Variants in CDR2 observed in about 807,000 individuals in gnomAD.
The protein encoded by CDR2 is cerebellar degeneration related protein 2.
A neutral mutation model predicts 48.4 loss-of-function variants in CDR2; 34 were observed. That is an observed-to-expected ratio of 0.70 (90% CI 0.53 to 0.94). CDR2 has a LOEUF of 0.94. Among genes scored for constraint, CDR2 ranks in the 40% least tolerant of loss-of-function variants. CDR2 has a pLI of 0.00. For missense variants in CDR2, 498 were observed against 549.5 expected (o/e 0.91, Z 0.94); for synonymous variants, 240 against 219.7 (o/e 1.09, Z -0.82).
At chr16:22,365,055 C>A (rs1343309307) in intron 1 of CDR2, 41 bp from the exon 2 acceptor site, 36 of 1,262,460 alleles carry the variant, frequency 2.9e-5, no homozygotes, top group Non-Finnish European at 3.9e-5. Context: ...CAAATGATCT[C>A]ACATCAACAA....
At chr16:22,348,366 G>A (rs1409808840) in intron 4 of CDR2, among the ~76,000 whole-genome samples, 1 of 152,152 alleles carries the variant, frequency 6.6e-6, no homozygotes, top group Non-Finnish European at 1.5e-5. Flanking sequence ...AAGTACTAGA[G>A]AACATCTATT....
rs560752006 is a variant in CDR2 at position 22,349,501 on chromosome 16, G to A, written c.342-58C>T. 676 of 1,591,812 alleles carry A rather than the reference G, an allele frequency of 4.2e-4. 6 individuals carry two copies. The South Asian group carries it at 6.8e-3, about 16-fold the overall frequency. On this transcript the variant is annotated intron_variant, in intron 3 of 4. Coordinates refer to ENST00000268383, the MANE Select transcript of CDR2 (RefSeq NM_001802.2). ...GTCATATTGAATCAAGGGCAAAAGC[G>A]GTGAGGAGAGATTAGGTGCAAACCA...
chr16:22,360,583 A>G (rs2049004191), intron 2 of CDR2, among the ~76,000 whole-genome samples: 1 of 151,750 alleles, frequency 6.6e-6, no homozygotes, highest in Non-Finnish European at 1.5e-5. Flanking sequence ...TTGTCCTAGT[A>G]TTTTCACCAG....
chr16:22,352,633 C>T (rs2048949993), intron 2 of CDR2, among the ~76,000 whole-genome samples: 1 of 151,978 alleles, frequency 6.6e-6, no homozygotes, highest in Non-Finnish European at 1.5e-5. Context: ...AACAGCCTCA[C>T]ATCAGTTCAG....
intron 1 of CDR2, among the ~76,000 whole-genome samples, chr16:22,371,483 T>C (rs1162439877): frequency 1.3e-5 from 2 of 152,208 alleles, no homozygotes; most frequent in South Asian, 2.1e-4. Flanking sequence ...ATTCACTCTA[T>C]GGGAGTAGGA....
intron 2 of CDR2, 127 bp from the exon 3 acceptor site, chr16:22,349,976 GT>G: frequency 1.3e-6 from 1 of 799,620 alleles, no homozygotes; most frequent in Non-Finnish European, 2.0e-6. Flanking sequence ...ATCACCTGAG[GT>G]TAGGAATTCG....
chr16:22,347,254 T>G lies in CDR2; in HGVS notation c.1076A>C (p.Lys359Thr). The change falls in exon 5 of 5, where the codon AAG becomes ACG. Residue 359 changes from lysine to threonine, a missense_variant. By Grantham distance (78) the Lys-to-Thr change is moderately conservative (BLOSUM62 -1). Coordinates refer to ENST00000268383, the MANE Select transcript of CDR2 (RefSeq NM_001802.2). ...VDTQYSALKV[K>T]YEELLKKCQE... The stretch of plus-strand genomic sequence containing the variant: ...GCACTTCTTCAGCAACTCTTCATAC[T>G]TCACCTTCAGGGCGCTGTACTGCGT... 6.2e-7 allele frequency: 1 copy of G among 1,614,234 alleles called. No homozygotes were observed. The highest frequency in any genetic ancestry group is 8.5e-7 in the Non-Finnish European group (1 of 1,180,044).
chr16:22,358,454 A>C (rs1182170674), intron 2 of CDR2, among the ~76,000 whole-genome samples: 2 of 152,214 alleles, frequency 1.3e-5, no homozygotes, highest in African/African-American at 2.4e-5. Flanking sequence ...AAAGCTACAA[A>C]CAGGCCACCT....
At chr16:22,364,845 G>T in intron 2 of CDR2, 57 bp downstream of exon 2, 1 of 980,280 alleles carries the variant, frequency 1.0e-6, no homozygotes, top group Non-Finnish European at 1.6e-6. Flanking sequence ...TATGTGATTG[G>T]CATAACAGCA....
At chr16:22,358,980 GA>G (rs1391236672) in intron 2 of CDR2, among the ~76,000 whole-genome samples, 1 of 152,098 alleles carries the variant, frequency 6.6e-6, no homozygotes, top group Non-Finnish European at 1.5e-5. Flanking sequence ...CCAACACAAA[GA>G]AATGATAAAT....
At chr16:22,373,097 A>G (rs903854261) in intron 1 of CDR2, among the ~76,000 whole-genome samples, 21 of 152,170 alleles carry the variant, frequency 1.4e-4, no homozygotes, top group African/African-American at 5.1e-4. Context: ...CCCCAACATT[A>G]CTACCTCTAT....
intron 2 of CDR2, among the ~76,000 whole-genome samples, chr16:22,351,321 C>A (rs1267015195): frequency 6.6e-6 from 1 of 152,166 alleles, no homozygotes; most frequent in Non-Finnish European, 1.5e-5. Flanking sequence ...CCGCAATAAA[C>A]ATACGTGTGC....
intron 2 of CDR2, among the ~76,000 whole-genome samples, chr16:22,362,965 T>G (rs1297282089): frequency 6.6e-6 from 1 of 151,924 alleles, no homozygotes; most frequent in Non-Finnish European, 1.5e-5. Context: ...TTTTTTTTTT[T>G]TTTTTGAGAT....
Position 22,349,375 on chromosome 16 carries a change from T to C in CDR2, c.410A>G (p.Lys137Arg). The change falls in exon 4 of 5, where the codon AAG (lysine) becomes AGG (arginine). Residue 137 changes from lysine to arginine, a missense_variant. Transcript: ENST00000268383. ...DHLQSQVEEL[K>R]SSGQGRRSPG... ...GCTCCTTCTCCCTTGGCCAGATGAC[T>C]TCAGCTCCTCCACTTGGCTCTGGAG... The C allele has an allele frequency of 1.9e-6, 3 of 1,614,154 alleles. No individual in the cohort carries two copies. In the South Asian group the frequency reaches 3.3e-5, roughly 18 times the overall value.
intron 1 of CDR2, chr16:22,368,978 A>T (rs1054534544): frequency 2.6e-5 from 4 of 152,194 alleles, no homozygotes; most frequent in South Asian, 2.1e-4. Flanking sequence ...GTACTCACAG[A>T]GTGTGTAATG....
intron 2 of CDR2, among the ~76,000 whole-genome samples, chr16:22,350,161 C>G (rs944877621): frequency 8.6e-5 from 13 of 151,808 alleles, no homozygotes; most frequent in Admixed American, 2.0e-4. Flanking sequence ...TGCACTCCAG[C>G]CTGGGCAACA....
At chr16:22,359,280 C>G (rs1044497232) in intron 2 of CDR2, among the ~76,000 whole-genome samples, 1 of 152,110 alleles carries the variant, frequency 6.6e-6, no homozygotes, top group Non-Finnish European at 1.5e-5. Context: ...GCGCCCGCCA[C>G]CACGCCCAGC....
At chr16:22,374,005 G>GC (rs951104994) in intron 1 of CDR2, among the ~76,000 whole-genome samples, 1 of 152,174 alleles carries the variant, frequency 6.6e-6, no homozygotes, top group African/African-American at 2.4e-5. Context: ...GCCCCCACGC[G>GC]CCTCGGGGCT....
chr16:22,367,241 T>C (rs2049049801), intron 1 of CDR2: 1 of 152,278 alleles, frequency 6.6e-6, no homozygotes, highest in Non-Finnish European at 1.5e-5. Context: ...CTGCCCAGGA[T>C]GATCTCAAAC....
Sources: gnomAD v4.1 joint callset for allele counts (sites outside exome capture counted in the v4.1 genomes callset) on GRCh38, gnomAD v4.1.1 for gene constraint, MANE v1.5 for transcripts, NCBI Gene and HGNC (gene_info 2026-07-23, HGNC 2026-07-21) for gene names.